DACH2: variants seen among roughly 807,000 people sequenced by gnomAD.
DACH2 encodes the protein dachshund homolog 2.
Under a neutral mutation model 35.8 loss-of-function variants are expected in DACH2, and 17 were observed. The ratio of observed to expected loss-of-function variants is 0.48; its 90% CI spans 0.33 to 0.71. The LOEUF is 0.71. Among genes scored for constraint, DACH2 ranks in the 30% least tolerant of loss-of-function variants. The pLI, the probability that DACH2 is intolerant of heterozygous loss-of-function variation, is 0.02. For synonymous variants in DACH2, 195 were observed against 177.3 expected (o/e 1.10, Z -0.79); for missense variants, 469 against 472.7 (o/e 0.99, Z 0.07).
chrX:86,311,455 T>C (rs1350128187), intron 1 of DACH2, among the ~76,000 whole-genome samples: 1 of 111,540 alleles, frequency 9.0e-6, no homozygotes, highest in African/African-American at 3.3e-5. Flanking sequence ...GTGACAATGC[T>C]CTGCCAGGCT....
intron 11 of DACH2, among the ~76,000 whole-genome samples, chrX:86,824,403 G>A (rs907956534): frequency 1.8e-5 from 2 of 111,572 alleles, no homozygotes; most frequent in African/African-American, 3.3e-5. Flanking sequence ...CCTGAAAATC[G>A]CTGTTATTCT....
intron 3 of DACH2, among the ~76,000 whole-genome samples, chrX:86,628,646 A>G (rs757693185): frequency 8.9e-6 from 1 of 112,716 alleles, no homozygotes; most frequent in African/African-American, 3.2e-5. Context: ...ACATATTTAA[A>G]ACACAAAATA....
intron 7 of DACH2, among the ~76,000 whole-genome samples, chrX:86,775,022 G>A (rs1233693235): frequency 9.0e-6 from 1 of 111,426 alleles, no homozygotes; most frequent in Non-Finnish European, 1.9e-5. Flanking sequence ...GTTAAAGACA[G>A]GGCCCTCACT....
At chrX:86,390,516 A>G (rs969068078) in intron 2 of DACH2, among the ~76,000 whole-genome samples, 5 of 111,726 alleles carry the variant, frequency 4.5e-5, no homozygotes, top group Admixed American at 1.9e-4. Context: ...CATTTAATGT[A>G]TTTGGTAGGC....
At chrX:86,167,226 C>A (rs2030973154) in intron 1 of DACH2, among the ~76,000 whole-genome samples, 1 of 111,489 alleles carries the variant, frequency 9.0e-6, no homozygotes. Context: ...ATTACTGCTT[C>A]AATATCATTA....
chrX:86,553,639 G>A (rs1343348923), intron 3 of DACH2, among the ~76,000 whole-genome samples: 1 of 112,066 alleles, frequency 8.9e-6, no homozygotes, highest in Non-Finnish European at 1.9e-5. Flanking sequence ...TTAATGGTAA[G>A]TAGATGAGTT....
At chrX:86,211,952 T>C (rs746897680) in intron 1 of DACH2, among the ~76,000 whole-genome samples, 1 of 111,726 alleles carries the variant, frequency 9.0e-6, no homozygotes, top group African/African-American at 3.2e-5. Context: ...TATAGATAGT[T>C]TATTGTTTAC....
intron 1 of DACH2, among the ~76,000 whole-genome samples, chrX:86,239,873 C>A (rs778700949): frequency 2.8e-4 from 31 of 111,613 alleles, no homozygotes; most frequent in Non-Finnish European, 4.9e-4. Flanking sequence ...TTTAGCCATT[C>A]CCCTGGGTGT....
chrX:86,321,579 G>A (rs2035016185), intron 1 of DACH2, among the ~76,000 whole-genome samples: 1 of 111,878 alleles, frequency 8.9e-6, no homozygotes, highest in Non-Finnish European at 1.9e-5. Flanking sequence ...AGTCAGGATT[G>A]TCAAGAAGTA....
intron 1 of DACH2, among the ~76,000 whole-genome samples, chrX:86,301,470 G>T (rs2034574133): frequency 8.9e-6 from 1 of 111,758 alleles, no homozygotes; most frequent in Non-Finnish European, 1.9e-5. Context: ...GTCAATGATA[G>T]TCTTAACTAC....
intron 6 of DACH2, among the ~76,000 whole-genome samples, chrX:86,736,688 A>G (rs964042239): frequency 1.8e-5 from 2 of 111,479 alleles, no homozygotes; most frequent in Non-Finnish European, 3.8e-5. Context: ...TTTTTAAACC[A>G]TGAAACTGTA....
At chrX:86,473,450 C>T (rs1251501176) in intron 2 of DACH2, among the ~76,000 whole-genome samples, 1 of 110,992 alleles carries the variant, frequency 9.0e-6, no homozygotes, top group Non-Finnish European at 1.9e-5. Flanking sequence ...CTATCAAATA[C>T]TAGGTATTAT....
chrX:86,479,179 C>T (rs73631949), intron 2 of DACH2, among the ~76,000 whole-genome samples: 1,264 of 111,481 alleles, frequency 0.011, 18 homozygotes, highest in African/African-American at 0.039. Flanking sequence ...GTGTGTTCTT[C>T]TGCCGGTGTG....
intron 1 of DACH2, among the ~76,000 whole-genome samples, chrX:86,349,046 C>G (rs1316384167): frequency 8.9e-6 from 1 of 112,483 alleles, no homozygotes; most frequent in African/African-American, 3.2e-5. Context: ...AGACCCTCTG[C>G]CTTATCACAA....
At chrX:86,355,110 T>C (rs1453395907) in intron 1 of DACH2, among the ~76,000 whole-genome samples, 2 of 111,656 alleles carry the variant, frequency 1.8e-5, no homozygotes, top group East Asian at 2.8e-4. Flanking sequence ...TTTCTGTCCA[T>C]GTGTACACAA....
At chrX:86,571,453 C>G (rs1382944153) in intron 3 of DACH2, among the ~76,000 whole-genome samples, 1 of 109,802 alleles carries the variant, frequency 9.1e-6, no homozygotes, top group Non-Finnish European at 1.9e-5. Context: ...CCCGCTCCCC[C>G]CACCCCACAA....
At chrX:86,376,633 C>T (rs2035971894) in intron 1 of DACH2, among the ~76,000 whole-genome samples, 191 bp from the exon 2 acceptor site, 1 of 110,691 alleles carries the variant, frequency 9.0e-6, no homozygotes, top group African/African-American at 3.3e-5. Context: ...AATAGCAATT[C>T]AGGCTTCCTT....
At chrX:86,685,116 A>G (rs944230367) in intron 4 of DACH2, among the ~76,000 whole-genome samples, 3 of 111,797 alleles carry the variant, frequency 2.7e-5, no homozygotes, top group Non-Finnish European at 1.9e-5. Context: ...CTGCTATTTT[A>G]TATCTCTTCT....
intron 1 of DACH2, among the ~76,000 whole-genome samples, chrX:86,251,757 C>A (rs1232917560): frequency 2.7e-5 from 3 of 111,546 alleles, no homozygotes; most frequent in Non-Finnish European, 5.7e-5. Context: ...GGCATTTGGG[C>A]TGGTTCCATA....
Sources: gnomAD v4.1 joint callset for allele counts (sites outside exome capture counted in the v4.1 genomes callset) on GRCh38, gnomAD v4.1.1 for gene constraint, MANE v1.5 for transcripts, NCBI Gene and HGNC (gene_info 2026-07-23, HGNC 2026-07-21) for gene names.